The following HIVEP1 variants were observed in gnomAD, a reference collection of about 807,000 sequenced individuals.
HIVEP1 encodes HIVEP zinc finger 1.
In HIVEP1, 36 loss-of-function variants were observed where a neutral mutation model predicts 180.0. The observed-to-expected ratio is 0.20, with a 90% CI of 0.15 to 0.26. The LOEUF (loss-of-function observed/expected upper bound fraction) is 0.26, where lower values mean the gene tolerates loss of function less well. Ranked by LOEUF, HIVEP1 falls within the 10% of genes least tolerant of loss-of-function variation. The probability of loss-of-function intolerance (pLI) is 1.00; values close to 1 mark genes in which losing one functional copy is unlikely to be tolerated. For synonymous variants in HIVEP1, 1,239 were observed against 1,239.0 expected (o/e 1.00, Z 0.00); for missense variants, 3,143 against 3,268.7 (o/e 0.96, Z 0.94).
the HIVEP1 span, among the ~76,000 whole-genome samples, chr6:12,187,253 C>G: frequency 6.6e-6 from 1 of 152,074 alleles, no homozygotes; most frequent in Non-Finnish European, 1.5e-5. Context: ...GGATGTTTGT[C>G]CCACTCAAAC....
rs568917350 is a variant in HIVEP1, at chr6:12,155,454, A to G, written c.6488-5985A>G. ...GCCCCAGTGAGTATTGTTCCCCCCA[A>G]TGTGTCCTCGTGTTTTCGTCATTCA... On this transcript the variant is annotated intron_variant, in intron 7 of 8. Coordinates refer to ENST00000379388, the MANE Select transcript of HIVEP1 (RefSeq NM_002114.4). Among the ~76,000 whole-genome samples the G allele has an allele frequency of 1.3e-3, 198 of 147,788 alleles. 1 individual carries two copies. The highest frequency in any genetic ancestry group is 4.7e-3 in the African/African-American group (185 of 39,656).
At chr6:12,203,570 G>A in the HIVEP1 span, among the ~76,000 whole-genome samples, 1 of 152,116 alleles carries the variant, frequency 6.6e-6, no homozygotes, top group South Asian at 2.1e-4. Flanking sequence ...AGAGTCCCTG[G>A]CAAGCTATTG....
At chr6:12,192,311 G>T in the HIVEP1 span, among the ~76,000 whole-genome samples, 5 of 151,900 alleles carry the variant, frequency 3.3e-5, no homozygotes, top group African/African-American at 1.2e-4. Flanking sequence ...ATTTTTAAAT[G>T]GATACACAAT....
chr6:12,094,666 A>T (rs191137244), intron 3 of HIVEP1, among the ~76,000 whole-genome samples: 4 of 152,130 alleles, frequency 2.6e-5, no homozygotes, highest in Non-Finnish European at 4.4e-5. Flanking sequence ...TTTAATCTTA[A>T]TCACTGCTAG....
Position 12,122,667 on chromosome 6 carries a change from A to G in HIVEP1, c.2872A>G (p.Met958Val). Reference protein sequence around the residue: ...KKKSHQGRGTMFECETCRNRY... With the variant: ...KKKSHQGRGTVFECETCRNRY... ...GAAGTCTCATCAAGGGCGAGGGACA[A>G]TGTTTGAGTGTGAAACTTGTAGAAA... The change falls in exon 4 of 9, where the codon ATG (methionine) becomes GTG (valine). Residue 958 changes from methionine to valine, a missense_variant. Around this residue, in one of 12 missense-constraint regions of HIVEP1, gnomAD observed 204 missense variants for 243.7 expected, o/e 0.84. Coordinates refer to ENST00000379388, the MANE Select transcript of HIVEP1 (RefSeq NM_002114.4). The G allele has an allele frequency of 1.2e-6, 2 of 1,614,220 alleles. No individual in the cohort carries two copies. The highest frequency in any genetic ancestry group is 1.7e-6 in the Non-Finnish European group (2 of 1,180,032).
At chr6:12,138,987 A>G (rs12664849) in intron 7 of HIVEP1, among the ~76,000 whole-genome samples, 27,002 of 150,344 alleles carry the variant, frequency 0.18, 2,899 homozygotes, top group East Asian at 0.47. Flanking sequence ...ATCACCTCCA[A>G]CACCCCACCC....
chr6:12,172,256 A>C, the HIVEP1 span, among the ~76,000 whole-genome samples: 3 of 152,146 alleles, frequency 2.0e-5, no homozygotes, highest in African/African-American at 7.2e-5. Context: ...TGAGGTGTAC[A>C]TTAGATATTG....
At chr6:12,047,730 A>G (rs1770234545) in intron 2 of HIVEP1, among the ~76,000 whole-genome samples, 1 of 152,168 alleles carries the variant, frequency 6.6e-6, no homozygotes, top group African/African-American at 2.4e-5. Context: ...TTTCACCCTT[A>G]CGTTTCTTAG....
intron 2 of HIVEP1, among the ~76,000 whole-genome samples, chr6:12,044,832 TG>T (rs1770023732): frequency 6.6e-6 from 1 of 152,258 alleles, no homozygotes; most frequent in African/African-American, 2.4e-5. Context: ...TGTGTACAGC[TG>T]AGGGCTTGCT....
chr6:12,015,746 C>T (rs1345189658), intron 2 of HIVEP1, 78 bp downstream of exon 2: 13 of 1,336,996 alleles, frequency 9.7e-6, no homozygotes, highest in Admixed American at 1.8e-5. Flanking sequence ...CAGGAATGGC[C>T]GTTTGTTAGA....
At chr6:12,115,943 C>G (rs982028035) in intron 3 of HIVEP1, among the ~76,000 whole-genome samples, 2 of 151,582 alleles carry the variant, frequency 1.3e-5, no homozygotes, top group African/African-American at 4.8e-5. Context: ...TGGTCTTTCT[C>G]TTTGTGTCCT....
chr6:12,076,918 G>A (rs539147573), intron 2 of HIVEP1, among the ~76,000 whole-genome samples: 1 of 152,252 alleles, frequency 6.6e-6, no homozygotes, highest in Non-Finnish European at 1.5e-5. Flanking sequence ...CGTTACATGA[G>A]AGAGGCCTTT....
upstream of HIVEP1, among the ~76,000 whole-genome samples, chr6:12,011,284 C>CCG (rs1767278165): frequency 3.9e-5 from 4 of 101,346 alleles, no homozygotes; most frequent in Non-Finnish European, 8.5e-5. Context: ...CCCCCCCCCC[C>CCG]GCCTCCCCCT....
intron 7 of HIVEP1, among the ~76,000 whole-genome samples, chr6:12,153,411 T>C (rs114940657): frequency 0.012 from 1,768 of 152,258 alleles, 31 homozygotes; most frequent in African/African-American, 0.04. Flanking sequence ...TTTTAAATCA[T>C]TCTCTGAGAA....
chr6:12,108,665 G>A (rs1472130089), intron 3 of HIVEP1, among the ~76,000 whole-genome samples: 1 of 152,196 alleles, frequency 6.6e-6, no homozygotes, highest in Non-Finnish European at 1.5e-5. Context: ...GGCCAGCAGG[G>A]CCGGCCGGCT....
In HIVEP1 at chr6:12,139,497, G is replaced by A. The variant is rs1046148066; in HGVS notation, c.6487+3605G>A. On this transcript the variant is annotated intron_variant, in intron 7 of 8. Coordinates refer to ENST00000379388, the MANE Select transcript of HIVEP1 (RefSeq NM_002114.4). ...CATTGGGACTGGTTGGACAGTGGGT[G>A]CAGCCCACAGAGGGTGAGCCAAAGC... Among the ~76,000 whole-genome samples, 7 of 152,362 alleles carry A rather than the reference G, an allele frequency of 4.6e-5. No individual in the cohort carries two copies. In the South Asian group the frequency reaches 6.2e-4, roughly 14 times the overall value.
Position 12,123,007 on chromosome 6 carries a change from C to A in HIVEP1, c.3212C>A (p.Pro1071His). ...GCTCTGGGCTGTAATCCCAGTTTGC[C>A]TAAACATAATGTTACCATAAGAAGT... ...QNALGCNPSL[P>H]KHNVTIRSDQ... Residue 1071 changes from proline to histidine, a missense_variant, in exon 4 of 9, where the codon CCT becomes CAT. Physicochemically the swap from Pro to His is moderately conservative, Grantham distance 77 (BLOSUM62 -2). Coordinates refer to ENST00000379388, the MANE Select transcript of HIVEP1 (RefSeq NM_002114.4). 6.2e-7 allele frequency: 1 copy of A among 1,614,092 alleles called. No individual in the cohort carries two copies. Among genetic ancestry groups the A allele is most frequent in the Non-Finnish European group, 8.5e-7 (1 of 1,179,998 alleles).
chr6:12,041,767 A>C (rs1769741168), intron 2 of HIVEP1, among the ~76,000 whole-genome samples: 1 of 151,758 alleles, frequency 6.6e-6, no homozygotes, highest in Non-Finnish European at 1.5e-5. Context: ...AGGTTCAAGC[A>C]ATTCTTCTGC....
At chr6:12,016,607 A>G (rs1430018833) in intron 2 of HIVEP1, among the ~76,000 whole-genome samples, 1 of 152,202 alleles carries the variant, frequency 6.6e-6, no homozygotes, top group East Asian at 1.9e-4. Context: ...GCCTCCGTGA[A>G]TCTGGAAATA....
Sources: gnomAD v4.1 joint callset for allele counts (sites outside exome capture counted in the v4.1 genomes callset) on GRCh38, gnomAD v4.1.1 for gene constraint, gnomAD v4.1.1 regional missense constraint, MANE v1.5 for transcripts, NCBI Gene and HGNC (gene_info 2026-07-23, HGNC 2026-07-21) for gene names.